ASXL2: variants seen among roughly 807,000 people sequenced by gnomAD.
ASXL2 encodes the protein putative Polycomb group protein ASXL2.
A neutral mutation model predicts 122.0 loss-of-function variants in ASXL2; 23 were observed. The ratio of observed to expected loss-of-function variants is 0.19; its 90% confidence interval spans 0.14 to 0.27. The LOEUF (loss-of-function observed/expected upper bound fraction) is 0.27. Among genes scored for constraint, ASXL2 ranks in the 10% least tolerant of loss-of-function variants. The pLI is 1.00. For synonymous variants in ASXL2, 650 were observed against 637.0 expected (o/e 1.02, Z -0.31); for missense variants, 1,518 against 1,713.8 (o/e 0.89, Z 2.02).
rs1245701597 is a variant in ASXL2, at chr2:25,741,778, T to C, written c.*251A>G. The C allele has an allele frequency of 1.1e-5, 5 of 456,182 alleles. No individual in the cohort carries two copies. Among genetic ancestry groups the C allele is most frequent in the Non-Finnish European group, 2.0e-5 (5 of 255,884 alleles). The allele number at this position is 456,182 out of a possible 1,614,324, so 28.3% of individuals were successfully genotyped here. A position where few individuals can be genotyped will look rare whatever the true frequency, so the allele number is the denominator to read the frequency against. ...ATAATGTTAAACAAAATGTGACATATTTACATGATTTTGTAAGTGCAAACT... is the reference window on the plus strand; with the variant it reads ...ATAATGTTAAACAAAATGTGACATACTTACATGATTTTGTAAGTGCAAACT... On this transcript the variant is annotated 3_prime_UTR_variant, in exon 13 of 13. Transcript: ENST00000435504.
chr2:25,814,491 C>A (rs750664523), intron 3 of ASXL2, among the ~76,000 whole-genome samples: 11 of 152,198 alleles, frequency 7.2e-5, no homozygotes, highest in Non-Finnish European at 1.3e-4. Context: ...GTAGTAAGAA[C>A]CACCTTAAAG....
chr2:25,843,638 A>C (rs2089613786), intron 2 of ASXL2, among the ~76,000 whole-genome samples: 1 of 151,968 alleles, frequency 6.6e-6, no homozygotes, highest in Admixed American at 6.6e-5. Flanking sequence ...AAATAAAAAA[A>C]CTCAACTAGA....
At chr2:25,795,176 T>C (rs995215024) in intron 5 of ASXL2, among the ~76,000 whole-genome samples, 6 of 152,158 alleles carry the variant, frequency 3.9e-5, no homozygotes, top group African/African-American at 1.2e-4. Flanking sequence ...CATTTTCCTC[T>C]AGGCTTTATT....
intron 3 of ASXL2, among the ~76,000 whole-genome samples, chr2:25,821,184 A>G (rs527874725): frequency 6.6e-5 from 10 of 152,204 alleles, no homozygotes; most frequent in African/African-American, 2.4e-4. Flanking sequence ...CGTCTCAAAA[A>G]GAAAAAATCA....
rs536005381 is a variant in ASXL2 at position 25,768,962 on chromosome 2, G to A, written c.505-94C>T. ...TTTTTTAAATGGCAAGAAGCATGCT[G>A]ATCGTTCAATTTCTTTGAAATCTAT... On this transcript the variant is annotated intron_variant, in intron 6 of 12. Coordinates refer to ENST00000435504, the MANE Select transcript of ASXL2 (RefSeq NM_018263.6). 72 of 1,367,032 alleles carry A rather than the reference G, an allele frequency of 5.3e-5. No homozygotes were observed. The African/African-American group carries it at 9.8e-4, about 19-fold the overall frequency. The allele number at this position is 1,367,032 out of a possible 1,614,324, so 84.7% of individuals were successfully genotyped here. A position where few individuals can be genotyped will look rare whatever the true frequency, so the allele number is the denominator to read the frequency against.
intron 5 of ASXL2, among the ~76,000 whole-genome samples, chr2:25,772,661 G>A (rs903104583): frequency 6.7e-6 from 1 of 149,718 alleles, no homozygotes; most frequent in Non-Finnish European, 1.5e-5. Flanking sequence ...AACCTGGGAG[G>A]CGGAAGTTGT....
At position 25,740,559 on chromosome 2, in the gene ASXL2, T is replaced by C. The variant is rs545618068; in HGVS notation, c.*1470A>G. 6.0e-4 allele frequency: 138 copies of C among 230,090 alleles called. No homozygotes were observed. Among genetic ancestry groups the C allele is most frequent in the African/African-American group, 2.8e-3 (127 of 45,316 alleles). 14.3% of individuals were successfully genotyped at this position (230,090 alleles called of 1,614,324 possible). A position where few individuals can be genotyped will look rare whatever the true frequency, so the allele number is the denominator to read the frequency against. ...CTGTTAAACTGCAGGTTTATTTTAA[T>C]GTTCCTTAACCATGACCTAAATATT... is the stretch of plus-strand genomic sequence containing the variant. On this transcript the variant is annotated 3_prime_UTR_variant, in exon 13 of 13. Transcript: ENST00000435504.
chr2:25,857,082 G>A (rs865792406), intron 1 of ASXL2: 1 of 85,686 alleles, frequency 1.2e-5, no homozygotes, highest in Non-Finnish European at 2.3e-5. Context: ...TTAGATTTTT[G>A]GGGGGGGCGG....
At chr2:25,745,465 G>A (rs1200412219) in intron 12 of ASXL2, among the ~76,000 whole-genome samples, 2 of 149,558 alleles carry the variant, frequency 1.3e-5, no homozygotes, top group East Asian at 2.0e-4. Context: ...TACCTGCCTC[G>A]GCCTCCCAAA....
chr2:25,757,487 A>G (rs1009987307), intron 9 of ASXL2, among the ~76,000 whole-genome samples: 65 of 149,838 alleles, frequency 4.3e-4, no homozygotes, highest in Non-Finnish European at 7.7e-4. Flanking sequence ...AAAAAAAAAA[A>G]AAAGAAAGAA....
intron 2 of ASXL2, among the ~76,000 whole-genome samples, chr2:25,843,913 T>C (rs925721875): frequency 2.6e-5 from 4 of 152,130 alleles, no homozygotes; most frequent in Non-Finnish European, 5.9e-5. Flanking sequence ...ACTGTCTATT[T>C]ACAAATATTT....
intron 5 of ASXL2, among the ~76,000 whole-genome samples, chr2:25,772,454 C>T (rs925991366): frequency 1.4e-4 from 21 of 152,176 alleles, no homozygotes; most frequent in African/African-American, 2.2e-4. Flanking sequence ...CACACAAGAC[C>T]GTGTGCGGTG....
Position 25,756,109 on chromosome 2 carries a change from A to T in ASXL2, c.945T>A (p.Gly315=), listed in dbSNP as rs1482678627. ...LLLPEVDRQV[G]PDGLMKLNGS... is the part of the protein sequence containing the mutation. ...CATTTAACTTCATTAAACCATCTGG[A>T]CCAACCTGGGTCAAAGAATAAGCCA... Residue 315 remains glycine, a synonymous_variant, in exon 10 of 13, where the codon GGT becomes GGA. Transcript: ENST00000435504. 1 of 1,597,974 alleles carries T rather than the reference A, an allele frequency of 6.3e-7. No individual in the cohort carries two copies. Among genetic ancestry groups the T allele is most frequent in the Non-Finnish European group, 8.5e-7 (1 of 1,173,300 alleles).
intron 5 of ASXL2, among the ~76,000 whole-genome samples, chr2:25,783,911 G>A (rs1356710218): frequency 5.9e-5 from 9 of 151,946 alleles, no homozygotes; most frequent in African/African-American, 1.2e-4. Context: ...AAAATTAGTC[G>A]GGCGTGGTGG....
intron 5 of ASXL2, among the ~76,000 whole-genome samples, chr2:25,781,879 T>C (rs1380738461): frequency 1.3e-5 from 2 of 151,456 alleles, no homozygotes; most frequent in East Asian, 3.9e-4. Context: ...GGCCAGGCTG[T>C]TCTTGAACTC....
chr2:25,835,681 C>T (rs1202900074), intron 2 of ASXL2, 141 bp from the exon 3 acceptor site: 1 of 172,126 alleles, frequency 5.8e-6, no homozygotes, highest in Non-Finnish European at 1.3e-5. Flanking sequence ...ATTAGTAACC[C>T]CCTCATTAAT....
At chr2:25,858,505 A>G (rs2089806714) in intron 1 of ASXL2, among the ~76,000 whole-genome samples, 2 of 151,890 alleles carry the variant, frequency 1.3e-5, no homozygotes, top group Non-Finnish European at 2.9e-5. Flanking sequence ...TGGGCGGATC[A>G]TGAGGTCAAG....
At chr2:25,858,523 G>A (rs1275972982) in intron 1 of ASXL2, among the ~76,000 whole-genome samples, 1 of 151,818 alleles carries the variant, frequency 6.6e-6, no homozygotes, top group Non-Finnish European at 1.5e-5. Context: ...AAGAGATGGA[G>A]ACCATTCTGG....
intron 2 of ASXL2, among the ~76,000 whole-genome samples, chr2:25,840,915 G>A (rs1285795080): frequency 2.0e-5 from 3 of 152,138 alleles, no homozygotes; most frequent in Non-Finnish European, 4.4e-5. Context: ...TAAGGTCCGA[G>A]GAATGAAAAT....
Sources: gnomAD v4.1 joint callset for allele counts (sites outside exome capture counted in the v4.1 genomes callset) on GRCh38, gnomAD v4.1.1 for gene constraint, MANE v1.5 for transcripts, NCBI Gene and HGNC (gene_info 2026-07-23, HGNC 2026-07-21) for gene names.